Variants in PRKCD observed in about 807,000 individuals in gnomAD.
PRKCD encodes the protein protein kinase C delta, also known as protein kinase C delta type.
A neutral mutation model predicts 82.2 loss-of-function variants in PRKCD; 20 were observed. The ratio of observed to expected loss-of-function variants is 0.24; its 90% CI spans 0.17 to 0.35. PRKCD has a LOEUF of 0.35. PRKCD is among the 10% of genes least tolerant of loss of function. The pLI is 1.00. For synonymous variants in PRKCD, 317 were observed against 337.0 expected (o/e 0.94, Z 0.65); for missense variants, 607 against 899.0 (o/e 0.68, Z 4.15).
At chr3:53,182,265 C>T (rs1303419654) in intron 7 of PRKCD, among the ~76,000 whole-genome samples, 1 of 146,482 alleles carries the variant, frequency 6.8e-6, no homozygotes, top group Non-Finnish European at 1.5e-5. Flanking sequence ...TCAGTTTCCT[C>T]ATCTATAATT....
At chr3:53,178,291 T>A in intron 2 of PRKCD, 113 bp from the exon 3 acceptor site, 1 of 621,490 alleles carries the variant, frequency 1.6e-6, no homozygotes, top group Non-Finnish European at 2.8e-6. Context: ...GTGCATCATG[T>A]GGGCCAAACC....
At chr3:53,174,160 C>T (rs1366239061) in intron 2 of PRKCD, among the ~76,000 whole-genome samples, 1 of 152,238 alleles carries the variant, frequency 6.6e-6, no homozygotes, top group African/African-American at 2.4e-5. Flanking sequence ...AATGTAATTA[C>T]AGAGGTAATC....
At chr3:53,181,666 C>T in intron 6 of PRKCD, 35 bp from the exon 7 acceptor site, 1 of 1,612,500 alleles carries the variant, frequency 6.2e-7, no homozygotes, top group South Asian at 1.1e-5. Flanking sequence ...ATCCCGGTCC[C>T]CGCTCACTCA....
intron 3 of PRKCD, 186 bp from the exon 4 acceptor site, chr3:53,179,391 A>G: frequency 1.3e-6 from 1 of 769,318 alleles, no homozygotes; most frequent in Non-Finnish European, 2.3e-6. Flanking sequence ...AGCAGGAACA[A>G]AGGCCTGGAG....
chr3:53,167,350 C>T (rs1553664048), intron 2 of PRKCD, among the ~76,000 whole-genome samples: 1 of 152,190 alleles, frequency 6.6e-6, no homozygotes, highest in Non-Finnish European at 1.5e-5. Flanking sequence ...GGGCAGGTCA[C>T]GAAGTCCCCT....
intron 4 of PRKCD, among the ~76,000 whole-genome samples, chr3:53,180,059 A>G (rs1703379677): frequency 6.6e-6 from 1 of 152,232 alleles, no homozygotes; most frequent in African/African-American, 2.4e-5. Flanking sequence ...AGTTGTTCAA[A>G]TGAAAGGAGC....
At position 53,178,387 on chromosome 3, in the gene PRKCD, C is replaced by A. The variant is rs782540011; in HGVS notation, c.-19-17C>A. 2.5e-5 allele frequency: 40 copies of A among 1,579,468 alleles called. No individual in the cohort carries two copies. The highest frequency in any genetic ancestry group is 2.2e-4 in the Middle Eastern group (1 of 4,526). On this transcript the variant is annotated splice_polypyrimidine_tract_variant and intron_variant, in intron 2 of 18. Transcript: ENST00000330452. ...GGTCCCGCCCGGCCGCCTGGCCTCA[C>A]CCCTCTGTGTGCACAGCCCCACTGC... is the stretch of plus-strand genomic sequence containing the variant.
chr3:53,180,176 G>A (rs538815303), intron 4 of PRKCD, among the ~76,000 whole-genome samples: 57 of 152,248 alleles, frequency 3.7e-4, no homozygotes, highest in African/African-American at 1.3e-3. Flanking sequence ...GGAAAGGCAG[G>A]ATATGCACAT....
At chr3:53,172,027 G>T (rs1401984828) in intron 2 of PRKCD, among the ~76,000 whole-genome samples, 3 of 152,010 alleles carry the variant, frequency 2.0e-5, no homozygotes, top group African/African-American at 7.3e-5. Context: ...CCCAGGAGGA[G>T]CGCTGGCTGG....
In PRKCD at chr3:53,187,326, T is replaced by C; in HGVS notation, c.1353-14T>C. On this transcript the variant is annotated splice_polypyrimidine_tract_variant and intron_variant, in intron 14 of 18. Transcript: ENST00000330452. ...CAGAGATCCCGGAACACTTTATCCC[T>C]CTCTCTTGCCCAGGTTTTATGCCGC... is the stretch of plus-strand genomic sequence containing the variant. 1 of 1,614,094 alleles carries C rather than the reference T, an allele frequency of 6.2e-7. No individual in the cohort carries two copies. The highest frequency in any genetic ancestry group is 8.5e-7 in the Non-Finnish European group (1 of 1,179,978).
rs191449814 is a variant in PRKCD, at chr3:53,168,985, G to A, written c.-20+3770G>A. On this transcript the variant is annotated intron_variant, in intron 2 of 18. Transcript: ENST00000330452. ...GTCTGGTGGCTGGAACAGGGGGACT[G>A]TCGGGCCGGGGTAGAGGATGGAGAG... Among the ~76,000 whole-genome samples the A allele has an allele frequency of 5.1e-4, 78 of 152,194 alleles. 1 individual carries two copies. In the East Asian group the frequency reaches 0.014, roughly 28 times the overall value.
In PRKCD at chr3:53,184,862, C is replaced by G. The variant is rs762017004; in HGVS notation, c.788-12C>G. On this transcript the variant is annotated splice_polypyrimidine_tract_variant and intron_variant, in intron 9 of 18. Coordinates refer to ENST00000330452, the MANE Select transcript of PRKCD (RefSeq NM_006254.4). ...CTCTGAGACTGACAGCCCCGCTTCT[C>G]CCTCACCCCAGACTGCGGCATGAAT... is the stretch of plus-strand genomic sequence containing the variant. 1 of 1,612,900 alleles carries G rather than the reference C, an allele frequency of 6.2e-7. No individual in the cohort carries two copies. Among genetic ancestry groups the G allele is most frequent in the Admixed American group, 1.7e-5 (1 of 59,990 alleles).
At position 53,188,752 on chromosome 3, in the gene PRKCD, G is replaced by T; in HGVS notation, c.1448G>T (p.Arg483Leu). Residue 483 changes from arginine to leucine, a missense_variant, in exon 16 of 19, where the codon CGG becomes CTG. By Grantham distance (102) the Arg-to-Leu change is moderately radical. Transcript: ENST00000330452. Reference protein sequence around the residue: ...DLKLDNVLLDRDGHIKIADFG... With the variant: ...DLKLDNVLLDLDGHIKIADFG... The stretch of plus-strand genomic sequence containing the variant: ...AAACTGGACAATGTGCTGCTGGACC[G>T]GGATGGCCACATCAAGATTGCCGAC... 6.2e-7 allele frequency: 1 copy of T among 1,614,164 alleles called. No individual in the cohort carries two copies. The highest frequency in any genetic ancestry group is 8.5e-7 in the Non-Finnish European group (1 of 1,180,016).
chr3:53,181,938 C>T (rs1553667708), intron 7 of PRKCD: 1 of 774,064 alleles, frequency 1.3e-6, no homozygotes, highest in East Asian at 2.7e-5. Context: ...CTCTTCCCAG[C>T]TCCGCATTCA....
intron 1 of PRKCD, among the ~76,000 whole-genome samples, chr3:53,162,286 C>T (rs986996052): frequency 6.6e-6 from 1 of 151,940 alleles, no homozygotes; most frequent in Non-Finnish European, 1.5e-5. Context: ...GGGGGGTCCT[C>T]CTGGCTGGTG....
At chr3:53,185,057 C>T (rs1052890871) in intron 10 of PRKCD, 83 bp downstream of exon 10, 105 of 1,246,026 alleles carry the variant, frequency 8.4e-5, no homozygotes, top group East Asian at 5.2e-4. Flanking sequence ...TGGGGAGCCA[C>T]AGACAGCCAG....
At position 53,161,238 on chromosome 3, in the gene PRKCD, C is replaced by G. The variant is rs561031881; in HGVS notation, c.-322C>G. ...TTCCGTGTGCCGCGGCGCCGGAGCC[C>G]GAGGCGGCTGTAGCCCACATCTCCC... On this transcript the variant is annotated 5_prime_UTR_variant, in exon 1 of 19. Coordinates refer to ENST00000330452, the MANE Select transcript of PRKCD (RefSeq NM_006254.4). The G allele has an allele frequency of 6.7e-6, 1 of 149,914 alleles. No homozygotes were observed. Among genetic ancestry groups the G allele is most frequent in the Non-Finnish European group, 1.5e-5 (1 of 67,138 alleles). 9.3% of individuals were successfully genotyped at this position (149,914 alleles called of 1,614,324 possible).
Position 53,183,536 on chromosome 3 carries a change from G to A in PRKCD, c.742G>A (p.Gly248Ser), listed in dbSNP as rs144320413. The change falls in exon 9 of 19, where the codon GGC (glycine) becomes AGC (serine). Residue 248 changes from glycine (G) to serine (S), a missense_variant. Physicochemically the swap from Gly to Ser is moderately conservative, Grantham distance 56 (BLOSUM62 0). This residue lies in a region of PRKCD where 109 missense variants were observed against 155.6 expected (regional missense o/e 0.70). Coordinates refer to ENST00000330452, the MANE Select transcript of PRKCD (RefSeq NM_006254.4). Reference protein sequence around the residue: ...YMSPTFCDHCGSLLWGLVKQG... With the variant: ...YMSPTFCDHCSSLLWGLVKQG... ...GAGCCCCACCTTCTGTGACCACTGC[G>A]GCAGCCTGCTCTGGGGACTGGTGAA... The A allele has an allele frequency of 3.7e-6, 6 of 1,614,094 alleles. No homozygotes were observed. The highest frequency in any genetic ancestry group is 2.7e-5 in the African/African-American group (2 of 74,930).
intron 7 of PRKCD, 200 bp downstream of exon 7, chr3:53,181,932 T>C: frequency 1.3e-6 from 1 of 788,864 alleles, no homozygotes; most frequent in Non-Finnish European, 2.2e-6. Flanking sequence ...GCGCATCTCT[T>C]CCCAGCTCCG....
Sources: gnomAD v4.1 joint callset for allele counts (sites outside exome capture counted in the v4.1 genomes callset) on GRCh38, gnomAD v4.1.1 for gene constraint, gnomAD v4.1.1 regional missense constraint, MANE v1.5 for transcripts, NCBI Gene and HGNC (gene_info 2026-07-23, HGNC 2026-07-21) for gene names.